The following KLHL32 variants were observed in gnomAD, a reference collection of about 807,000 sequenced individuals.
The protein encoded by KLHL32 is kelch like family member 32, also known as kelch-like protein 32.
KLHL32 carries 35 observed loss-of-function variants against 64.8 expected under a neutral mutation model. The ratio of observed to expected loss-of-function variants is 0.54; its 90% CI spans 0.41 to 0.72. The LOEUF (loss-of-function observed/expected upper bound fraction) is 0.72, where lower values mean the gene tolerates loss of function less well. Among genes scored for constraint, KLHL32 ranks in the 30% least tolerant of loss-of-function variants. The probability of loss-of-function intolerance (pLI) is 0.00; values close to 1 mark genes in which losing one functional copy is unlikely to be tolerated. For missense variants in KLHL32, 589 were observed against 768.5 expected, an observed-to-expected ratio of 0.77 and a Z score of 2.76; for synonymous variants, 259 against 281.0, an observed-to-expected ratio of 0.92 and a Z score of 0.78.
At chr6:97,040,190 A>C (rs141919658) in intron 3 of KLHL32, among the ~76,000 whole-genome samples, 1,797 of 152,264 alleles carry the variant, frequency 0.012, 18 homozygotes, top group Non-Finnish European at 0.02. Flanking sequence ...AGTTAGCTAA[A>C]CTGCAGAATC....
At chr6:97,045,057 T>C (rs1785717154) in intron 4 of KLHL32, among the ~76,000 whole-genome samples, 1 of 152,182 alleles carries the variant, frequency 6.6e-6, no homozygotes, top group African/African-American at 2.4e-5. Flanking sequence ...TATTCTCTTT[T>C]CTGGAGTTAG....
intron 3 of KLHL32, among the ~76,000 whole-genome samples, chr6:97,032,015 C>A (rs1010167145): frequency 8.5e-5 from 13 of 152,174 alleles, no homozygotes; most frequent in African/African-American, 2.9e-4. Flanking sequence ...CCTATAACAA[C>A]CCTGTGAAGT....
intron 3 of KLHL32, among the ~76,000 whole-genome samples, chr6:97,021,746 A>G (rs1782015275): frequency 6.6e-6 from 1 of 151,014 alleles, no homozygotes; most frequent in South Asian, 2.1e-4. Flanking sequence ...GTGAAATCAT[A>G]TATCCAACAG....
chr6:97,130,071 G>A (rs547627620), intron 8 of KLHL32, among the ~76,000 whole-genome samples: 3 of 152,132 alleles, frequency 2.0e-5, no homozygotes, highest in Non-Finnish European at 4.4e-5. Context: ...ATCTCAGGAG[G>A]TTAATTTTGG....
intron 1 of KLHL32, among the ~76,000 whole-genome samples, chr6:96,925,701 A>G (rs1019791649): frequency 2.0e-5 from 3 of 152,258 alleles, no homozygotes; most frequent in Non-Finnish European, 4.4e-5. Context: ...TGACCAGAAC[A>G]GGAATACGTT....
chr6:97,038,500 G>A (rs1784623992), intron 3 of KLHL32, among the ~76,000 whole-genome samples: 1 of 152,068 alleles, frequency 6.6e-6, no homozygotes, highest in Admixed American at 6.6e-5. Flanking sequence ...TTATCAAAAA[G>A]AGAGGCAATA....
intron 4 of KLHL32, among the ~76,000 whole-genome samples, chr6:97,049,559 T>C (rs1386879273): frequency 8.3e-6 from 1 of 119,910 alleles, no homozygotes; most frequent in East Asian, 2.6e-4. Context: ...ACTGAAACCG[T>C]AGAAAGCGAA....
At chr6:97,103,127 T>G (rs777825801) in intron 6 of KLHL32, among the ~76,000 whole-genome samples, 1 of 151,906 alleles carries the variant, frequency 6.6e-6, no homozygotes, top group Non-Finnish European at 1.5e-5. Flanking sequence ...AATATACCAC[T>G]GTATTCCCTC....
At chr6:96,932,020 T>A (rs1769947320) in intron 1 of KLHL32, among the ~76,000 whole-genome samples, 1 of 152,054 alleles carries the variant, frequency 6.6e-6, no homozygotes, top group African/African-American at 2.4e-5. Context: ...TTTGATAGAG[T>A]CTCTCGTTCA....
chr6:97,091,421 T>C (rs1325421488), intron 6 of KLHL32, among the ~76,000 whole-genome samples: 1 of 152,204 alleles, frequency 6.6e-6, no homozygotes, highest in Non-Finnish European at 1.5e-5. Flanking sequence ...TACCCAGCCA[T>C]GTCCTGTGGG....
Position 97,064,579 on chromosome 6 carries a change from T to C in KLHL32, c.313-49T>C, listed in dbSNP as rs780734267. 14 of 1,343,574 alleles carry C rather than the reference T, an allele frequency of 1.0e-5. No homozygotes were observed. In the South Asian group the frequency reaches 1.3e-4, roughly 13 times the overall value. The allele number at this position is 1,343,574 out of a possible 1,614,324, so 83.2% of individuals were successfully genotyped here. On this transcript the variant is annotated intron_variant, in intron 4 of 10. Transcript: ENST00000369261. ...TATATCTACATATTAAGCAGCATTA[T>C]ATTTTTAAGTGTAACTGATAGTTTT...
chr6:97,007,094 G>T (rs1191261395), intron 3 of KLHL32, among the ~76,000 whole-genome samples: 1 of 152,140 alleles, frequency 6.6e-6, no homozygotes, highest in South Asian at 2.1e-4. Context: ...TTTCTAAGTT[G>T]CTTGTTTTTT....
the KLHL32 span, among the ~76,000 whole-genome samples, chr6:96,916,008 AAGG>A: frequency 6.6e-6 from 1 of 152,370 alleles, no homozygotes; most frequent in East Asian, 1.9e-4. Flanking sequence ...ATTAAATTAA[AAGG>A]AGTTTAATTG....
Position 96,974,077 on chromosome 6 carries a change from G to A in KLHL32, c.24-1920G>A, listed in dbSNP as rs369958494. ...GAGGAATTACATTGTTATATTCTTG[G>A]TGATAGGTTCTCAAAATACCGGATC... On this transcript the variant is annotated intron_variant, in intron 2 of 10. Coordinates refer to ENST00000369261, the MANE Select transcript of KLHL32 (RefSeq NM_052904.4). Among the ~76,000 whole-genome samples, 30 of 151,920 alleles carry A rather than the reference G, an allele frequency of 2.0e-4. 1 individual carries two copies. Among genetic ancestry groups the A allele is most frequent in the African/African-American group, 6.8e-4 (28 of 41,392 alleles).
At chr6:97,100,965 G>GTTTTTTTTTTTT (rs1562337104) in intron 6 of KLHL32, among the ~76,000 whole-genome samples, 1 of 43,250 alleles carries the variant, frequency 2.3e-5, no homozygotes, top group African/African-American at 1.1e-4. Flanking sequence ...CTGCAGCCAA[G>GTTTTTTTTTTTT]CTTTTTTTTT....
At chr6:96,948,513 A>G (rs1454711050) in intron 1 of KLHL32, among the ~76,000 whole-genome samples, 1 of 152,160 alleles carries the variant, frequency 6.6e-6, no homozygotes, top group Non-Finnish European at 1.5e-5. Context: ...TGTGTGATAC[A>G]TAATTATTGA....
At chr6:96,984,309 C>G (rs1776728659) in intron 3 of KLHL32, among the ~76,000 whole-genome samples, 1 of 152,102 alleles carries the variant, frequency 6.6e-6, no homozygotes, top group South Asian at 2.1e-4. Flanking sequence ...ACTAAGTGGT[C>G]AATTTTGGAA....
chr6:97,093,635 G>A (rs1399329841), intron 6 of KLHL32, among the ~76,000 whole-genome samples: 1 of 152,214 alleles, frequency 6.6e-6, no homozygotes, highest in Non-Finnish European at 1.5e-5. Flanking sequence ...TTTGTGGGAA[G>A]TTGCAAAAAT....
intron 4 of KLHL32, among the ~76,000 whole-genome samples, chr6:97,055,242 G>A (rs573069970): frequency 1.3e-5 from 2 of 152,184 alleles, no homozygotes; most frequent in Admixed American, 6.5e-5. Flanking sequence ...AAAAGTCACC[G>A]TCCATTGAGA....
Sources: allele counts gnomAD v4.1 joint callset (sites outside exome capture counted in the v4.1 genomes callset), GRCh38; gene constraint gnomAD v4.1.1; transcripts MANE v1.5; gene names NCBI Gene and HGNC (gene_info 2026-07-23, HGNC 2026-07-21).